The following PPARGC1B variants were observed in gnomAD, a reference collection of about 807,000 sequenced individuals.
PPARGC1B encodes the protein peroxisome proliferator-activated receptor gamma coactivator 1-beta.
Under a neutral mutation model 101.6 loss-of-function variants are expected in PPARGC1B, and 34 were observed. That is an observed-to-expected ratio of 0.33 (90% CI 0.25 to 0.45). PPARGC1B has a LOEUF of 0.45. Ranked by LOEUF, PPARGC1B falls within the 20% of genes least tolerant of loss-of-function variation. The pLI, the probability that PPARGC1B is intolerant of heterozygous loss-of-function variation, is 1.00. For synonymous variants in PPARGC1B, 548 were observed against 539.3 expected (o/e 1.02, Z -0.22); for missense variants, 1,234 against 1,317.6 (o/e 0.94, Z 0.98).
At chr5:149,774,452 A>C (rs148061333) in intron 1 of PPARGC1B, among the ~76,000 whole-genome samples, 9 of 152,188 alleles carry the variant, frequency 5.9e-5, no homozygotes, top group African/African-American at 1.9e-4. Context: ...ATAGCAGCGG[A>C]TCAGTAGAGG....
intron 1 of PPARGC1B, among the ~76,000 whole-genome samples, chr5:149,797,719 G>A (rs1298371994): frequency 2.6e-5 from 4 of 152,160 alleles, no homozygotes; most frequent in Non-Finnish European, 5.9e-5. Flanking sequence ...TGAGGAGTTC[G>A]AGACCAGCCT....
intron 2 of PPARGC1B, 35 bp from the exon 3 acceptor site, chr5:149,826,638 C>A: frequency 6.5e-7 from 1 of 1,530,182 alleles, no homozygotes; most frequent in Non-Finnish European, 9.0e-7. Context: ...ATCTCCCCAT[C>A]TGCCTTTCTG....
At chr5:149,834,627 A>G (rs1758965870) in intron 5 of PPARGC1B, 47 bp from the exon 6 acceptor site, 2 of 1,575,024 alleles carry the variant, frequency 1.3e-6, no homozygotes, top group African/African-American at 2.7e-5. Flanking sequence ...AACATCTGCT[A>G]GTGATACCAT....
At chr5:149,806,118 C>A (rs998967537) in intron 1 of PPARGC1B, among the ~76,000 whole-genome samples, 2 of 152,232 alleles carry the variant, frequency 1.3e-5, no homozygotes, top group Non-Finnish European at 2.9e-5. Flanking sequence ...GCCGAGGCCC[C>A]CAGCCTACTG....
chr5:149,793,205 C>T (rs947552748), intron 1 of PPARGC1B, among the ~76,000 whole-genome samples: 1 of 152,056 alleles, frequency 6.6e-6, no homozygotes, highest in Non-Finnish European at 1.5e-5. Context: ...TTGCTCCTTC[C>T]TTTTTGCCTT....
rs193285664 is a variant in PPARGC1B, at chr5:149,779,359, G to A, written c.79-41074G>A. Among the ~76,000 whole-genome samples the A allele has an allele frequency of 2.9e-3, 445 of 152,290 alleles. 7 individuals carry two copies. The highest frequency in any genetic ancestry group is 3.2e-4 in the Non-Finnish European group (22 of 68,028). ...ATACAATGGGCACTTTGCGTCTGGG[G>A]GAGGGGCTGCCTCTTCTGCCCTCAA... On this transcript the variant is annotated intron_variant, in intron 1 of 11. Coordinates refer to ENST00000309241, the MANE Select transcript of PPARGC1B (RefSeq NM_133263.4).
chr5:149,838,515 T>G (rs1759204085), intron 8 of PPARGC1B, among the ~76,000 whole-genome samples: 1 of 152,232 alleles, frequency 6.6e-6, no homozygotes, highest in Non-Finnish European at 1.5e-5. Context: ...TGCTGTGAGC[T>G]AAAGCACTCC....
intron 1 of PPARGC1B, among the ~76,000 whole-genome samples, chr5:149,775,567 A>G (rs1756328067): frequency 6.6e-6 from 1 of 152,236 alleles, no homozygotes; most frequent in South Asian, 2.1e-4. Flanking sequence ...AAGAGGCCTC[A>G]GAATCCACTG....
At chr5:149,736,513 A>G (rs1360538471) in intron 1 of PPARGC1B, among the ~76,000 whole-genome samples, 1 of 152,120 alleles carries the variant, frequency 6.6e-6, no homozygotes, top group South Asian at 2.1e-4. Context: ...TATCCATCCC[A>G]TTGACACTCA....
In PPARGC1B at chr5:149,833,700, C is replaced by T; in HGVS notation, c.1627C>T (p.Pro543Ser). Residue 543 changes from proline (P) to serine (S), a missense_variant, in exon 5 of 12, where the codon CCT becomes TCT. Transcript: ENST00000309241. This position sits in a 1 kb window ranked among gnomAD's most constrained non-coding sequence, Gnocchi z 4.1. ...GCAGCTCCTACGGGGACCCCAGATCCCTGCCCTGGAGAGCCCCTGTGAGAG... is the reference window on the plus strand; with the variant it reads ...GCAGCTCCTACGGGGACCCCAGATCTCTGCCCTGGAGAGCCCCTGTGAGAG... The part of the protein sequence containing the change: ...DQQLLRGPQI[P>S]ALESPCESGC... The T allele has an allele frequency of 6.2e-7, 1 of 1,607,168 alleles. No individual in the cohort carries two copies. The highest frequency in any genetic ancestry group is 8.5e-7 in the Non-Finnish European group (1 of 1,178,082).
chr5:149,766,724 A>G (rs998300943), intron 1 of PPARGC1B, among the ~76,000 whole-genome samples: 7 of 152,340 alleles, frequency 4.6e-5, no homozygotes, highest in Admixed American at 4.6e-4. Context: ...AGCACCCATC[A>G]TGATTTCATT....
chr5:149,832,973 C>G lies in PPARGC1B; in HGVS notation c.900C>G (p.Pro300=). ...LIRYMHTYCL[P]QRKLPPQTPE... ...GCTACATGCACACCTACTGCCTCCC[C>G]CAGAGGAAGCTGCCCCCACAGACCC... Residue 300 remains proline, a synonymous_variant, in exon 5 of 12, where the codon CCC becomes CCG. Transcript: ENST00000309241. The surrounding 1 kb of genome is among the most constrained non-coding windows in gnomAD (Gnocchi z 4.9). The G allele has an allele frequency of 6.2e-7, 1 of 1,613,422 alleles. No individual in the cohort carries two copies. The highest frequency in any genetic ancestry group is 8.5e-7 in the Non-Finnish European group (1 of 1,180,006).
At chr5:149,830,352 A>T (rs746517900) in intron 3 of PPARGC1B, among the ~76,000 whole-genome samples, 2 of 152,074 alleles carry the variant, frequency 1.3e-5, no homozygotes, top group Non-Finnish European at 2.9e-5. Flanking sequence ...ATCAGCTAGA[A>T]TCCCATACCA....
Position 149,826,715 on chromosome 5 carries a change from A to T in PPARGC1B, c.295A>T (p.Thr99Ser). The change falls in exon 3 of 12, where the codon ACC becomes TCC. Residue 99 changes from threonine to serine, a missense_variant. By Grantham distance (58) the Thr-to-Ser change is moderately conservative. Around this residue, in one of 3 missense-constraint regions of PPARGC1B, gnomAD observed 734 missense variants for 768.4 expected, o/e 0.96. Coordinates refer to ENST00000309241, the MANE Select transcript of PPARGC1B (RefSeq NM_133263.4). ...NEALLAELTK[T>S]LDDIPEDDVG... The stretch of plus-strand genomic sequence containing the variant: ...GGCCCTCCTGGCAGAGCTCACCAAG[A>T]CCCTGGATGACATCCCTGAAGATGA... 1 of 1,613,980 alleles carries T rather than the reference A, an allele frequency of 6.2e-7. No individual in the cohort carries two copies. The highest frequency in any genetic ancestry group is 8.5e-7 in the Non-Finnish European group (1 of 1,179,962).
chr5:149,822,613 A>G (rs1758347544), intron 2 of PPARGC1B, among the ~76,000 whole-genome samples: 1 of 152,218 alleles, frequency 6.6e-6, no homozygotes, highest in South Asian at 2.1e-4. Context: ...ACAGTCATCC[A>G]CTGAATGAAT....
chr5:149,750,476 A>ATATATATATATATG (rs1561851697), intron 1 of PPARGC1B, among the ~76,000 whole-genome samples: 9 of 118,156 alleles, frequency 7.6e-5, no homozygotes, highest in Non-Finnish European at 1.2e-4. Flanking sequence ...ATATATATAT[A>ATATATATATATATG]TATATATATA....
rs1759673322 is a variant in PPARGC1B at position 149,848,893 on chromosome 5, A to G, written c.*1335A>G. ...GTGAAGGTTGGGAATAGATAGGACA[A>G]TCTCCTAGCTCTCCTCCAATTGAGA... On this transcript the variant is annotated 3_prime_UTR_variant, in exon 12 of 12. Coordinates refer to ENST00000309241, the MANE Select transcript of PPARGC1B (RefSeq NM_133263.4). 1 of 152,092 alleles carries G rather than the reference A, an allele frequency of 6.6e-6. No individual in the cohort carries two copies. Among genetic ancestry groups the G allele is most frequent in the Non-Finnish European group, 1.5e-5 (1 of 68,020 alleles). 9.4% of individuals were successfully genotyped at this position (152,092 alleles called of 1,614,324 possible).
chr5:149,744,260 CA>C (rs751992629), intron 1 of PPARGC1B, among the ~76,000 whole-genome samples: 2 of 152,184 alleles, frequency 1.3e-5, no homozygotes, highest in African/African-American at 2.4e-5. Context: ...ATGGTTCTTA[CA>C]AGCTTGGCAG....
downstream of PPARGC1B, among the ~76,000 whole-genome samples, chr5:149,855,679 G>C (rs1308382479): frequency 6.6e-6 from 1 of 152,128 alleles, no homozygotes; most frequent in Admixed American, 6.5e-5. Context: ...TCTCAGTTGC[G>C]TGCCTGTGTG....
Sources: gnomAD v4.1 joint callset for allele counts (sites outside exome capture counted in the v4.1 genomes callset) on GRCh38, gnomAD v4.1.1 for gene constraint, gnomAD v4.1.1 regional missense constraint, Gnocchi (gnomAD v3.1) non-coding constraint, MANE v1.5 for transcripts, NCBI Gene and HGNC (gene_info 2026-07-23, HGNC 2026-07-21) for gene names.